Variants in WWOX observed in about 807,000 individuals in gnomAD.
WWOX encodes the protein WW domain containing oxidoreductase, also known as WW domain-containing oxidoreductase.
A neutral mutation model predicts 46.2 loss-of-function variants in WWOX; 69 were observed. The ratio of observed to expected loss-of-function variants is 1.49; its 90% CI spans 1.23 to 1.82. WWOX has a LOEUF of 1.82. WWOX is among the 40% of genes most tolerant of loss of function. The probability of loss-of-function intolerance (pLI) is 0.00; values close to 1 mark genes in which losing one functional copy is unlikely to be tolerated. For synonymous variants in WWOX, 359 were observed against 202.6 expected (o/e 1.77, Z -6.56); for missense variants, 919 against 542.6 (o/e 1.69, Z -6.89).
chr16:79,208,294 G>T (rs1176795416), intron 8 of WWOX, among the ~76,000 whole-genome samples: 1 of 152,016 alleles, frequency 6.6e-6, no homozygotes, highest in Non-Finnish European at 1.5e-5. Context: ...CTAACTCATT[G>T]CCATTGCTGC....
chr16:79,171,304 C>A (rs1449323020), intron 8 of WWOX, among the ~76,000 whole-genome samples: 1 of 152,310 alleles, frequency 6.6e-6, no homozygotes, highest in Non-Finnish European at 1.5e-5. Flanking sequence ...TAGGACATAT[C>A]TAATAACATG....
intron 8 of WWOX, among the ~76,000 whole-genome samples, chr16:78,795,847 G>A: frequency 6.6e-6 from 1 of 152,204 alleles, no homozygotes; most frequent in East Asian, 1.9e-4. Flanking sequence ...AGCGTATAGT[G>A]AGTACCCAAT....
chr16:78,199,439 A>G (rs1249398169), intron 5 of WWOX, among the ~76,000 whole-genome samples: 2 of 152,204 alleles, frequency 1.3e-5, no homozygotes, highest in African/African-American at 4.8e-5. Flanking sequence ...GGCCATCTAG[A>G]AATTTCTAAC....
At chr16:78,985,930 C>G (rs2046775913) in intron 8 of WWOX, among the ~76,000 whole-genome samples, 2 of 152,248 alleles carry the variant, frequency 1.3e-5, no homozygotes, top group South Asian at 2.1e-4. Context: ...AACACCTTGA[C>G]TGGCCGAGAA....
intron 8 of WWOX, among the ~76,000 whole-genome samples, chr16:79,052,828 A>T (rs1405464243): frequency 1.3e-5 from 2 of 152,174 alleles, no homozygotes; most frequent in Non-Finnish European, 2.9e-5. Flanking sequence ...GGCACTGAGG[A>T]GCAAGCATTT....
intron 8 of WWOX, among the ~76,000 whole-genome samples, chr16:79,132,373 A>T (rs1473605016): frequency 6.6e-6 from 1 of 152,194 alleles, no homozygotes; most frequent in Non-Finnish European, 1.5e-5. Context: ...TTGCTCAAGA[A>T]TAGTTTTCTC....
intron 5 of WWOX, among the ~76,000 whole-genome samples, chr16:78,337,129 C>T (rs1015088120): frequency 6.6e-6 from 1 of 152,088 alleles, no homozygotes; most frequent in Non-Finnish European, 1.5e-5. Flanking sequence ...AATTTTTAAA[C>T]ACTCTGCAGT....
At chr16:78,218,592 A>G (rs1035319746) in intron 5 of WWOX, among the ~76,000 whole-genome samples, 3 of 152,200 alleles carry the variant, frequency 2.0e-5, no homozygotes, top group African/African-American at 7.2e-5. Context: ...GAAAAAAAAA[A>G]TGTCACGATA....
At chr16:78,641,270 C>A (rs772965779) in intron 8 of WWOX, among the ~76,000 whole-genome samples, 1 of 151,976 alleles carries the variant, frequency 6.6e-6, no homozygotes, top group Non-Finnish European at 1.5e-5. Flanking sequence ...CAGAGAAGCC[C>A]CCAGACCGGA....
At chr16:79,172,664 TTTTG>T (rs2050723330) in intron 8 of WWOX, among the ~76,000 whole-genome samples, 1 of 152,108 alleles carries the variant, frequency 6.6e-6, no homozygotes, top group Admixed American at 6.6e-5. Flanking sequence ...TGAGGTGTTT[TTTTG>T]TTTGTGTGCA....
intron 8 of WWOX, among the ~76,000 whole-genome samples, chr16:78,892,555 C>T (rs574535536): frequency 5.9e-5 from 9 of 152,294 alleles, no homozygotes; most frequent in South Asian, 2.1e-4. Flanking sequence ...TTGTTCAGAG[C>T]GTTCTTCCTC....
At chr16:78,244,384 T>C (rs1733172940) in intron 5 of WWOX, among the ~76,000 whole-genome samples, 1 of 149,806 alleles carries the variant, frequency 6.7e-6, no homozygotes, top group Admixed American at 6.7e-5. Context: ...GCAATCTGTA[T>C]GACTCCTGCT....
intron 5 of WWOX, among the ~76,000 whole-genome samples, chr16:78,225,289 A>G (rs1160988373): frequency 6.6e-6 from 1 of 152,258 alleles, no homozygotes; most frequent in Non-Finnish European, 1.5e-5. Context: ...GAAAAGGTAC[A>G]GTGAAAATAT....
intron 8 of WWOX, among the ~76,000 whole-genome samples, chr16:78,488,902 A>G (rs73576886): frequency 0.018 from 2,746 of 150,832 alleles, 80 homozygotes; most frequent in African/African-American, 0.064. Flanking sequence ...TGTTGTCACT[A>G]TTATTTTGTT....
In WWOX at chr16:78,935,379, A is replaced by G. The variant is rs571852212; in HGVS notation, c.1057-276229A>G. Reference sequence around the variant, plus strand: ...CAGATGTTCATCAATGATAGACTGGATTAAGAAAATGTGGCACATATACAC... The same window carrying G: ...CAGATGTTCATCAATGATAGACTGGGTTAAGAAAATGTGGCACATATACAC... On this transcript the variant is annotated intron_variant, in intron 8 of 8. Coordinates refer to ENST00000566780, the MANE Select transcript of WWOX (RefSeq NM_016373.4). 4.2e-3 allele frequency among the ~76,000 whole-genome samples: 634 copies of G among 152,324 alleles called. 6 individuals are homozygous for G. Among genetic ancestry groups the G allele is most frequent in the African/African-American group, 0.015 (609 of 41,578 alleles).
chr16:79,036,087 C>G (rs1427379173), intron 8 of WWOX, among the ~76,000 whole-genome samples: 2 of 152,226 alleles, frequency 1.3e-5, no homozygotes, highest in African/African-American at 2.4e-5. Flanking sequence ...TTCCTGCTCT[C>G]TCCATTTCTC....
intron 8 of WWOX, among the ~76,000 whole-genome samples, chr16:78,923,375 T>G (rs898668727): frequency 1.3e-5 from 2 of 152,172 alleles, no homozygotes; most frequent in Non-Finnish European, 2.9e-5. Context: ...CTAGTTCAGA[T>G]CATTCTAAAA....
At chr16:78,235,244 T>C (rs976537154) in intron 5 of WWOX, among the ~76,000 whole-genome samples, 1 of 152,346 alleles carries the variant, frequency 6.6e-6, no homozygotes, top group Non-Finnish European at 1.5e-5. Flanking sequence ...CGAGTGTGGC[T>C]GTGTTTGTCA....
intron 5 of WWOX, among the ~76,000 whole-genome samples, chr16:78,173,525 T>A (rs2035232407): frequency 6.6e-6 from 1 of 151,314 alleles, no homozygotes; most frequent in Admixed American, 6.6e-5. Context: ...CTCGAATTCC[T>A]CTGCTCAGGC....
Sources: gnomAD v4.1 joint callset for allele counts (sites outside exome capture counted in the v4.1 genomes callset) on GRCh38, gnomAD v4.1.1 for gene constraint, MANE v1.5 for transcripts, NCBI Gene and HGNC (gene_info 2026-07-23, HGNC 2026-07-21) for gene names.